PRIM2: variants seen among roughly 807,000 people sequenced by gnomAD.
PRIM2 encodes the protein DNA primase large subunit.
A neutral mutation model predicts 67.3 loss-of-function variants in PRIM2; 39 were observed. That is an observed-to-expected ratio of 0.58 (90% CI 0.45 to 0.76). PRIM2 has a LOEUF of 0.76. Among genes scored for constraint, PRIM2 ranks in the 30% least tolerant of loss-of-function variants. The probability of loss-of-function intolerance (pLI) is 0.00; values close to 1 mark genes in which losing one functional copy is unlikely to be tolerated. For synonymous variants in PRIM2, 143 were observed against 198.7 expected (o/e 0.72, Z 2.36); for missense variants, 398 against 598.7 (o/e 0.66, Z 3.50).
intron 7 of PRIM2, among the ~76,000 whole-genome samples, chr6:57,470,748 A>G (rs1158494001): frequency 5.3e-5 from 8 of 152,052 alleles, no homozygotes; most frequent in African/African-American, 1.9e-4. Flanking sequence ...AGTTATAGCT[A>G]GTTTTAGTTA....
At chr6:57,374,698 T>C (rs1250330665) in intron 5 of PRIM2, among the ~76,000 whole-genome samples, 3 of 151,720 alleles carry the variant, frequency 2.0e-5, no homozygotes, top group African/African-American at 7.3e-5. Context: ...TCAAGTGATC[T>C]TCCTGCCTCA....
At chr6:57,526,507 A>T (rs1554349411) in intron 8 of PRIM2, among the ~76,000 whole-genome samples, 1 of 152,226 alleles carries the variant, frequency 6.6e-6, no homozygotes, top group East Asian at 1.9e-4. Flanking sequence ...CTGATTAATC[A>T]AACATTGCCC....
At chr6:57,432,545 A>T (rs1346776348) in intron 7 of PRIM2, among the ~76,000 whole-genome samples, 10 of 32,766 alleles carry the variant, frequency 3.1e-4, no homozygotes, top group Admixed American at 2.6e-3. Flanking sequence ...TTGCACTTTA[A>T]AAAAAGTCCT....
At chr6:57,235,445 C>G in the PRIM2 span, among the ~76,000 whole-genome samples, 1 of 140,896 alleles carries the variant, frequency 7.1e-6, no homozygotes, top group Non-Finnish European at 1.5e-5. Context: ...GCCTGGGCAA[C>G]AAGAGCAAAA....
At chr6:57,644,906 G>A (rs1189098430) in intron 13 of PRIM2, among the ~76,000 whole-genome samples, 1 of 152,132 alleles carries the variant, frequency 6.6e-6, no homozygotes, top group African/African-American at 2.4e-5. Context: ...TTACTAGAGT[G>A]CATAATTTGA....
chr6:57,264,556 T>A, the PRIM2 span, among the ~76,000 whole-genome samples: 2 of 151,402 alleles, frequency 1.3e-5, no homozygotes, highest in Admixed American at 1.3e-4. Context: ...CTAATACCAA[T>A]GTGATGAGGG....
intron 5 of PRIM2, among the ~76,000 whole-genome samples, chr6:57,367,568 A>G (rs1209802956): frequency 6.6e-6 from 1 of 152,154 alleles, no homozygotes; most frequent in Admixed American, 6.6e-5. Flanking sequence ...ATTATATCTC[A>G]CACTTTCGAG....
chr6:57,339,776 C>T (rs1428703325), intron 5 of PRIM2, among the ~76,000 whole-genome samples: 1 of 152,168 alleles, frequency 6.6e-6, no homozygotes, highest in East Asian at 1.9e-4. Flanking sequence ...TAGGCTTTAC[C>T]ACTCAGGACA....
chr6:57,590,026 G>T (rs1187061012), intron 10 of PRIM2, among the ~76,000 whole-genome samples: 1 of 152,122 alleles, frequency 6.6e-6, no homozygotes, highest in Admixed American at 6.5e-5. Context: ...TCTTCTTGAC[G>T]CAGTGAGCCC....
At chr6:57,263,507 C>T in the PRIM2 span, among the ~76,000 whole-genome samples, 54 of 152,224 alleles carry the variant, frequency 3.5e-4, no homozygotes, top group East Asian at 8.3e-3. Flanking sequence ...TTTGTTTCCA[C>T]GTGGCATTCT....
chr6:57,604,794 C>T (rs1328096340), intron 11 of PRIM2, among the ~76,000 whole-genome samples: 54 of 151,626 alleles, frequency 3.6e-4, no homozygotes, highest in South Asian at 4.2e-4. Flanking sequence ...GGGTTCATGC[C>T]GTTCTCCTGC....
At chr6:57,590,278 A>G (rs1776262590) in intron 10 of PRIM2, among the ~76,000 whole-genome samples, 1 of 152,218 alleles carries the variant, frequency 6.6e-6, no homozygotes, top group African/African-American at 2.4e-5. Context: ...CAAGAGTCTA[A>G]TGGTGGTTCA....
chr6:57,326,991 C>T (rs1486365465), intron 5 of PRIM2, among the ~76,000 whole-genome samples: 1 of 150,118 alleles, frequency 6.7e-6, no homozygotes, highest in African/African-American at 2.5e-5. Flanking sequence ...GCAACCTCCA[C>T]CTTCTGGGTT....
chr6:57,292,071 T>C, the PRIM2 span, among the ~76,000 whole-genome samples: 1 of 152,180 alleles, frequency 6.6e-6, no homozygotes, highest in South Asian at 2.1e-4. Flanking sequence ...TGTTTGCAGA[T>C]GACATGATTG....
chr6:57,492,157 A>G (rs1773908113), intron 7 of PRIM2, among the ~76,000 whole-genome samples: 4 of 152,120 alleles, frequency 2.6e-5, no homozygotes, highest in Admixed American at 2.6e-4. Flanking sequence ...TCCTTTCAAC[A>G]TGTCCTCATG....
chr6:57,301,542 C>T, the PRIM2 span, among the ~76,000 whole-genome samples: 1 of 152,226 alleles, frequency 6.6e-6, no homozygotes, highest in South Asian at 2.1e-4. Context: ...TGGCTCACGC[C>T]TGTAATCTCA....
At chr6:57,478,206 A>G (rs1490359073) in intron 7 of PRIM2, among the ~76,000 whole-genome samples, 1 of 152,168 alleles carries the variant, frequency 6.6e-6, no homozygotes, top group African/African-American at 2.4e-5. Context: ...AAATTACTCT[A>G]TATTCCTTTT....
intron 10 of PRIM2, among the ~76,000 whole-genome samples, chr6:57,567,139 G>A (rs1186654577): frequency 1.3e-5 from 2 of 151,942 alleles, no homozygotes; most frequent in Non-Finnish European, 2.9e-5. Context: ...TAGAAATATT[G>A]TAATTTTGAT....
At chr6:57,574,447 A>G (rs1344963372) in intron 10 of PRIM2, among the ~76,000 whole-genome samples, 1 of 152,240 alleles carries the variant, frequency 6.6e-6, no homozygotes, top group Non-Finnish European at 1.5e-5. Context: ...CAGTGTGCCA[A>G]GGACCTGGAC....
Sources: allele counts gnomAD v4.1 joint callset (sites outside exome capture counted in the v4.1 genomes callset), GRCh38; gene constraint gnomAD v4.1.1; transcripts MANE v1.5; gene names NCBI Gene and HGNC (gene_info 2026-07-23, HGNC 2026-07-21).